USH2A: variants seen among roughly 807,000 people sequenced by gnomAD.
USH2A encodes usherin.
In USH2A, 443 loss-of-function variants were observed where a neutral mutation model predicts 538.9. That is an observed-to-expected ratio of 0.82 (90% CI 0.76 to 0.89). The LOEUF is 0.89. Among genes scored for constraint, USH2A ranks in the 40% least tolerant of loss-of-function variants. The pLI is 0.00. For synonymous variants in USH2A, 2,413 were observed against 2,273.5 expected, an observed-to-expected ratio of 1.06 and a Z score of -1.75; for missense variants, 6,633 against 6,324.8, an observed-to-expected ratio of 1.05 and a Z score of -1.65.
chr1:215,760,191 G>A (rs1038095789), intron 56 of USH2A, among the ~76,000 whole-genome samples: 6 of 152,104 alleles, frequency 3.9e-5, no homozygotes, highest in African/African-American at 1.4e-4. Flanking sequence ...GCATAATCGA[G>A]TATGTACCTG....
intron 4 of USH2A, among the ~76,000 whole-genome samples, chr1:216,363,056 G>A (rs538556502): frequency 6.5e-4 from 98 of 151,714 alleles, no homozygotes; most frequent in Non-Finnish European, 1.2e-3. Context: ...AATTTTTAGT[G>A]TGCGAAAATA....
chr1:215,902,851 G>A (rs1665536630), intron 38 of USH2A, among the ~76,000 whole-genome samples: 2 of 152,096 alleles, frequency 1.3e-5, no homozygotes, highest in East Asian at 1.9e-4. Context: ...TGGCTAACAC[G>A]GACTAAGGAG....
intron 44 of USH2A, among the ~76,000 whole-genome samples, chr1:215,860,977 A>G (rs760989370): frequency 6.6e-6 from 1 of 152,222 alleles, no homozygotes; most frequent in Non-Finnish European, 1.5e-5. Flanking sequence ...TCACCAACTA[A>G]GCAGCTCTTG....
At position 215,680,261 on chromosome 1, in the gene USH2A, G is replaced by A. The variant is rs1167672454; in HGVS notation, c.12182C>T (p.Thr4061Ile). 1.9e-6 allele frequency: 3 copies of A among 1,614,088 alleles called. No individual in the cohort carries two copies. Among genetic ancestry groups the A allele is most frequent in the South Asian group, 2.2e-5 (2 of 91,082 alleles). The change falls in exon 62 of 72, where the codon ACC (threonine) becomes ATC (isoleucine). Residue 4061 changes from threonine to isoleucine, a missense_variant. Physicochemically the swap from Thr to Ile is moderately conservative, Grantham distance 89. Coordinates refer to ENST00000307340, the MANE Select transcript of USH2A (RefSeq NM_206933.4). ...EILSPWTLIQ[T>I]LESSPSGLRN... ...CAGTCCACTTGGGGAAGATTCTAAGGTTTGAATCAGAGTCCAAGGGCTTAA... is the reference window on the plus strand; with the variant it reads ...CAGTCCACTTGGGGAAGATTCTAAGATTTGAATCAGAGTCCAAGGGCTTAA...
chr1:215,683,005 T>G (rs571647841), intron 61 of USH2A, among the ~76,000 whole-genome samples: 1 of 152,080 alleles, frequency 6.6e-6, no homozygotes, highest in African/African-American at 2.4e-5. Context: ...ACTACAGTCA[T>G]GTACCACCGT....
At chr1:216,106,570 C>G (rs574896903) in intron 21 of USH2A, among the ~76,000 whole-genome samples, 161 of 151,008 alleles carry the variant, frequency 1.1e-3, no homozygotes, top group Non-Finnish European at 1.4e-3. Context: ...CTCTCTCCCC[C>G]CTCCTTCTCT....
intron 21 of USH2A, among the ~76,000 whole-genome samples, chr1:216,130,934 A>G (rs1416297177): frequency 6.6e-6 from 1 of 151,934 alleles, no homozygotes; most frequent in Non-Finnish European, 1.5e-5. Context: ...AGCGGTGAAG[A>G]AATGCTCCCT....
At chr1:216,302,273 A>T (rs1358894865) in intron 9 of USH2A, among the ~76,000 whole-genome samples, 1 of 152,226 alleles carries the variant, frequency 6.6e-6, no homozygotes, top group Admixed American at 6.5e-5. Context: ...GACTCATTGC[A>T]TTTATGACAC....
At position 215,888,742 on chromosome 1, in the gene USH2A, G is replaced by A. The variant is rs764922996; in HGVS notation, c.7907C>T (p.Thr2636Ile). The A allele has an allele frequency of 3.7e-6, 6 of 1,614,140 alleles. No homozygotes were observed. The highest frequency in any genetic ancestry group is 5.1e-6 in the Non-Finnish European group (6 of 1,180,024). Reference protein sequence around the residue: ...GIPSPELFSDTPTSVIISWQP... With the variant: ...GIPSPELFSDIPTSVIISWQP... ...CCAAGATATAATCACAGATGTTGGA[G>A]TATCAGAGAACAGCTCTGGACTTGG... The change falls in exon 41 of 72, where the codon ACT becomes ATT. Residue 2636 changes from threonine (T) to isoleucine (I), a missense_variant. Transcript: ENST00000307340.
At chr1:216,397,266 A>G (rs1444247934) in intron 3 of USH2A, among the ~76,000 whole-genome samples, 5 of 152,208 alleles carry the variant, frequency 3.3e-5, no homozygotes, top group Non-Finnish European at 5.9e-5. Flanking sequence ...GGTTTCTTAT[A>G]GGCACTTTAC....
intron 13 of USH2A, among the ~76,000 whole-genome samples, chr1:216,233,153 A>C (rs1432945546): frequency 6.6e-6 from 1 of 152,166 alleles, no homozygotes; most frequent in African/African-American, 2.4e-5. Flanking sequence ...TCTCTCACTC[A>C]GCTTTCAATC....
Position 215,779,831 on chromosome 1 carries a change from T to G in USH2A, c.10939+12A>C. 2 of 1,613,276 alleles carry G rather than the reference T, an allele frequency of 1.2e-6. No individual in the cohort carries two copies. Among genetic ancestry groups the G allele is most frequent in the African/African-American group, 2.7e-5 (2 of 75,028 alleles). On this transcript the variant is annotated intron_variant, in intron 55 of 71. Coordinates refer to ENST00000307340, the MANE Select transcript of USH2A (RefSeq NM_206933.4). ...TCCTCCAGTAGGATTTCCTTTTTTT[T>G]TGTTTTCTCACCTGTGACCGTATGC...
chr1:215,648,502 C>T (rs1656933423), intron 66 of USH2A, 26 bp downstream of exon 66: 1 of 1,610,184 alleles, frequency 6.2e-7, no homozygotes, highest in African/African-American at 1.3e-5. Flanking sequence ...TTGTTAGTTT[C>T]TTCATCCTTC....
At chr1:216,394,435 G>C (rs538399354) in intron 3 of USH2A, among the ~76,000 whole-genome samples, 1 of 152,128 alleles carries the variant, frequency 6.6e-6, no homozygotes, top group Non-Finnish European at 1.5e-5. Context: ...GAACTCTTCT[G>C]TGTATTGGTT....
intron 32 of USH2A, among the ~76,000 whole-genome samples, chr1:216,003,749 A>G (rs1316072085): frequency 6.6e-6 from 1 of 152,118 alleles, no homozygotes; most frequent in Non-Finnish European, 1.5e-5. Context: ...TTTGGTTTTT[A>G]ATCTAAGAGG....
chr1:216,027,108 A>G (rs564135599), intron 32 of USH2A, among the ~76,000 whole-genome samples: 3 of 152,204 alleles, frequency 2.0e-5, no homozygotes, highest in Non-Finnish European at 4.4e-5. Flanking sequence ...AAAATTCATA[A>G]ATTGACATTC....
intron 32 of USH2A, among the ~76,000 whole-genome samples, chr1:216,026,589 C>T (rs1187336384): frequency 6.6e-6 from 1 of 152,126 alleles, no homozygotes; most frequent in African/African-American, 2.4e-5. Context: ...ATAATGACAT[C>T]TAGTTTTCAT....
chr1:216,287,777 C>G (rs1029508223), intron 11 of USH2A, among the ~76,000 whole-genome samples: 3 of 152,110 alleles, frequency 2.0e-5, no homozygotes, highest in Admixed American at 6.5e-5. Context: ...TACTATATAA[C>G]AAAGCTCTTG....
At chr1:215,775,899 C>T (rs1323515655) in intron 55 of USH2A, among the ~76,000 whole-genome samples, 1 of 152,072 alleles carries the variant, frequency 6.6e-6, no homozygotes, top group Non-Finnish European at 1.5e-5. Context: ...TGAGTTTTTC[C>T]TTTTAAATGA....
Sources: gnomAD v4.1 joint callset for allele counts (sites outside exome capture counted in the v4.1 genomes callset) on GRCh38, gnomAD v4.1.1 for gene constraint, MANE v1.5 for transcripts, NCBI Gene and HGNC (gene_info 2026-07-23, HGNC 2026-07-21) for gene names.